CSMD1: variants seen among roughly 807,000 people sequenced by gnomAD.
CSMD1 encodes CUB and Sushi multiple domains 1.
In CSMD1, 213 loss-of-function variants were observed where a neutral mutation model predicts 417.5. The ratio of observed to expected loss-of-function variants is 0.51; its 90% CI spans 0.46 to 0.57. CSMD1 has a LOEUF of 0.57. CSMD1 is among the 20% of genes least tolerant of loss of function. CSMD1 has a pLI of 0.00. For missense variants in CSMD1, 6,923 were observed against 4,529.7 expected, an observed-to-expected ratio of 1.53 and a Z score of -15.17; for synonymous variants, 2,862 against 1,736.8, an observed-to-expected ratio of 1.65 and a Z score of -16.11.
intron 3 of CSMD1, among the ~76,000 whole-genome samples, chr8:4,236,039 G>GTTTTTTTTTTTTTTTTTTTTTTTTTT (rs869245155): frequency 6.3e-5 from 2 of 31,686 alleles, no homozygotes; most frequent in African/African-American, 1.4e-4. Flanking sequence ...TTTTTTGTTT[G>GTTTTTTTTTTTTTTTTTTTTTTTTTT]TTTTTTTTTT....
At position 3,985,351 on chromosome 8, in the gene CSMD1, G is replaced by A. The variant is rs149708866; in HGVS notation, c.818+12552C>T. Among the ~76,000 whole-genome samples, 564 of 152,232 alleles carry A rather than the reference G, an allele frequency of 3.7e-3. 1 individual carries two copies. The highest frequency in any genetic ancestry group is 0.012 in the African/African-American group (503 of 41,544). ...TTTTCGTTTATTAGGGTTACAGATT[G>A]CATTGTTTTGTTTTCCTTTCTTCCA... On this transcript the variant is annotated intron_variant, in intron 5 of 69. Coordinates refer to ENST00000635120, the MANE Select transcript of CSMD1 (RefSeq NM_033225.6).
intron 2 of CSMD1, among the ~76,000 whole-genome samples, chr8:4,527,998 G>A (rs1316166630): frequency 6.6e-6 from 1 of 152,180 alleles, no homozygotes; most frequent in Admixed American, 6.5e-5. Flanking sequence ...CTCTCACTCA[G>A]AGCCCTGGGT....
chr8:2,997,146 C>A (rs1434974696), intron 54 of CSMD1, among the ~76,000 whole-genome samples: 1 of 152,200 alleles, frequency 6.6e-6, no homozygotes, highest in African/African-American at 2.4e-5. Flanking sequence ...TTGGTCAAAA[C>A]CCAAGCATTC....
intron 2 of CSMD1, among the ~76,000 whole-genome samples, chr8:4,619,106 T>A (rs1017517463): frequency 6.6e-6 from 1 of 152,174 alleles, no homozygotes; most frequent in Admixed American, 6.6e-5. Context: ...ATATCCTGGT[T>A]GAATTTCTCT....
rs1245198357 is a variant in CSMD1, at chr8:3,284,223, G to A, written c.4074C>T (p.His1358=). The change falls in exon 26 of 70, where the codon CAC becomes CAT. Residue 1358 remains histidine, a synonymous_variant. Transcript: ENST00000635120. ...GCAGGGTGAGTGAGTTGAAGGTGCT[G>A]TGGATGTCCTCCGGAAGGGCGGAGC... The part of the protein sequence containing the change: ...WSGSALPEDI[H]STFNSLTLQF... The A allele has an allele frequency of 1.9e-6, 3 of 1,612,380 alleles. No individual in the cohort carries two copies. Among genetic ancestry groups the A allele is most frequent in the East Asian group, 4.5e-5 (2 of 44,812 alleles).
rs1351370609 is a variant in CSMD1, at chr8:3,205,573, G to C, written c.4915C>G (p.Pro1639Ala). 3.1e-6 allele frequency: 5 copies of C among 1,598,812 alleles called. No homozygotes were observed. The highest frequency in any genetic ancestry group is 2.7e-5 in the African/African-American group (2 of 74,746). The change falls in exon 31 of 70, where the codon CCA (proline) becomes GCA (alanine). Residue 1639 changes from proline to alanine, a missense_variant. Transcript: ENST00000635120. ...YTGSEGVVLSPNYPHNYTAGQ... is the reference protein window; with the variant it reads ...YTGSEGVVLSANYPHNYTAGQ... ...GCTGTGTAATTATGGGGGTAGTTTG[G>C]TGATAAAACTACCCCTTCTGATCCC... is the stretch of plus-strand genomic sequence containing the variant.
chr8:4,968,642 C>T (rs1810035246), intron 1 of CSMD1, among the ~76,000 whole-genome samples: 1 of 152,110 alleles, frequency 6.6e-6, no homozygotes, highest in African/African-American at 2.4e-5. Context: ...TTCAAATATT[C>T]TATCAACAGC....
chr8:3,794,505 T>A (rs1461270400), intron 5 of CSMD1, among the ~76,000 whole-genome samples: 1 of 152,178 alleles, frequency 6.6e-6, no homozygotes, highest in African/African-American at 2.4e-5. Flanking sequence ...CTGCATTACA[T>A]TGTATTGTGT....
chr8:4,798,767 A>C (rs762430710), intron 1 of CSMD1, among the ~76,000 whole-genome samples: 2 of 152,220 alleles, frequency 1.3e-5, no homozygotes, highest in African/African-American at 4.8e-5. Flanking sequence ...GCTGATAAAA[A>C]CCTCATTAGT....
chr8:4,136,044 T>G (rs1286938911), intron 3 of CSMD1, among the ~76,000 whole-genome samples: 1 of 152,110 alleles, frequency 6.6e-6, no homozygotes, highest in Non-Finnish European at 1.5e-5. Context: ...CAAAGAAGAA[T>G]TTTAAATGGC....
intron 3 of CSMD1, among the ~76,000 whole-genome samples, chr8:4,324,939 G>T (rs934277000): frequency 6.6e-6 from 1 of 152,132 alleles, no homozygotes; most frequent in Non-Finnish European, 1.5e-5. Context: ...TCACGGGAAG[G>T]AGGCAATTGT....
intron 3 of CSMD1, among the ~76,000 whole-genome samples, chr8:4,294,147 C>T (rs999259169): frequency 2.0e-5 from 3 of 152,150 alleles, no homozygotes; most frequent in African/African-American, 4.8e-5. Context: ...TGATTAACCC[C>T]GACCAGCAGC....
chr8:4,678,569 A>G (rs1456606812), intron 1 of CSMD1, among the ~76,000 whole-genome samples: 2 of 152,222 alleles, frequency 1.3e-5, no homozygotes, highest in African/African-American at 4.8e-5. Flanking sequence ...GGAATCTAAC[A>G]TTATATTCAG....
At chr8:4,618,348 A>G (rs931633640) in intron 2 of CSMD1, among the ~76,000 whole-genome samples, 3 of 152,022 alleles carry the variant, frequency 2.0e-5, no homozygotes, top group Admixed American at 6.6e-5. Flanking sequence ...TGACGAACAC[A>G]CTTTTGCAGG....
intron 23 of CSMD1, among the ~76,000 whole-genome samples, chr8:3,312,465 G>C (rs181918459): frequency 1.3e-4 from 20 of 152,180 alleles, no homozygotes; most frequent in Admixed American, 2.6e-4. Context: ...CCTCTTTCCT[G>C]TCAGAAAGTT....
At chr8:3,559,848 T>C (rs1799393519) in intron 10 of CSMD1, among the ~76,000 whole-genome samples, 1 of 152,082 alleles carries the variant, frequency 6.6e-6, no homozygotes, top group Non-Finnish European at 1.5e-5. Context: ...GCAAGACTAC[T>C]AAGAGGCCCC....
At chr8:4,520,227 T>A (rs1803366443) in intron 2 of CSMD1, among the ~76,000 whole-genome samples, 1 of 152,190 alleles carries the variant, frequency 6.6e-6, no homozygotes, top group Non-Finnish European at 1.5e-5. Context: ...GTCCTATTTC[T>A]TATTTTACCT....
intron 1 of CSMD1, among the ~76,000 whole-genome samples, chr8:4,668,598 C>A (rs985160629): frequency 1.3e-5 from 2 of 151,696 alleles, no homozygotes; most frequent in African/African-American, 4.8e-5. Flanking sequence ...TACAGGCGTC[C>A]GCCACCACGC....
intron 1 of CSMD1, among the ~76,000 whole-genome samples, chr8:4,775,210 T>C (rs1280691642): frequency 1.3e-5 from 2 of 152,120 alleles, no homozygotes; most frequent in Admixed American, 6.6e-5. Flanking sequence ...TTTCTGATTG[T>C]AGGACATATC....
Sources: gnomAD v4.1 joint callset for allele counts (sites outside exome capture counted in the v4.1 genomes callset) on GRCh38, gnomAD v4.1.1 for gene constraint, MANE v1.5 for transcripts, NCBI Gene and HGNC (gene_info 2026-07-23, HGNC 2026-07-21) for gene names.